Variants in CSE1L observed in about 807,000 individuals in gnomAD.
CSE1L encodes the protein chromosome segregation 1 like.
CSE1L carries 24 observed loss-of-function variants against 120.4 expected under a neutral mutation model. That is an observed-to-expected ratio of 0.20 (90% confidence interval 0.14 to 0.28). The LOEUF (loss-of-function observed/expected upper bound fraction) is 0.28. Among genes scored for constraint, CSE1L ranks in the 10% least tolerant of loss-of-function variants. The pLI is 1.00. For synonymous variants in CSE1L, 402 were observed against 398.3 expected, an observed-to-expected ratio of 1.01 and a Z score of -0.11; for missense variants, 830 against 1,145.2, an observed-to-expected ratio of 0.72 and a Z score of 3.97.
intron 14 of CSE1L, among the ~76,000 whole-genome samples, chr20:49,082,619 A>G (rs1239393359): frequency 6.6e-6 from 1 of 152,150 alleles, no homozygotes; most frequent in Non-Finnish European, 1.5e-5. Context: ...TCCTGGGTTC[A>G]TGCCATTCTC....
chr20:49,074,873 T>TA, intron 11 of CSE1L, 23 bp downstream of exon 11: 1 of 1,587,470 alleles, frequency 6.3e-7, no homozygotes, highest in Non-Finnish European at 8.6e-7. Flanking sequence ...GTTTTTTAGT[T>TA]ACTAGTCTCT....
At chr20:49,048,302 T>C (rs1372079407) in intron 1 of CSE1L, among the ~76,000 whole-genome samples, 3 of 152,186 alleles carry the variant, frequency 2.0e-5, no homozygotes, top group African/African-American at 7.2e-5. Context: ...GGGACAGGAT[T>C]GGATGGATGC....
At chr20:49,047,741 C>T (rs1431592229) in intron 1 of CSE1L, among the ~76,000 whole-genome samples, 1 of 151,586 alleles carries the variant, frequency 6.6e-6, no homozygotes, top group East Asian at 1.9e-4. Flanking sequence ...CACGCCACCA[C>T]ACCCGGCTAA....
Position 49,090,977 on chromosome 20 carries a change from C to T in CSE1L, c.2320C>T (p.Leu774=). The part of the protein sequence containing the change: ...DQYRKQIFIL[L]FQRLQNSKTT... Reference sequence around the variant, plus strand: ...ATATAGGAAACAAATCTTCATTCTGCTATTCCAGAGACTTCAGAATTCCAA... The same window carrying T: ...ATATAGGAAACAAATCTTCATTCTGTTATTCCAGAGACTTCAGAATTCCAA... Residue 774 remains leucine (L), a synonymous_variant, in exon 21 of 25, where the codon CTA becomes TTA. Transcript: ENST00000262982. 1 of 1,610,886 alleles carries T rather than the reference C, an allele frequency of 6.2e-7. No homozygotes were observed. Among genetic ancestry groups the T allele is most frequent in the South Asian group, 1.1e-5 (1 of 90,728 alleles).
intron 14 of CSE1L, among the ~76,000 whole-genome samples, 175 bp from the exon 15 acceptor site, chr20:49,083,851 T>G (rs562417632): frequency 1.3e-5 from 2 of 152,298 alleles, no homozygotes; most frequent in East Asian, 3.9e-4. Context: ...AAGTGGAAAT[T>G]GAACCATTAT....
At position 49,089,653 on chromosome 20, in the gene CSE1L, A is replaced by G; in HGVS notation, c.2088A>G (p.Glu696=). Residue 696 remains glutamate, a synonymous_variant, in exon 19 of 25, where the codon GAA becomes GAG. Transcript: ENST00000262982. ...ATCTCCTTCAGCCAGTGCTTTGGGAAAGAACAGGAAATATTCCTGCTCTAG... is the reference window on the plus strand; with the variant it reads ...ATCTCCTTCAGCCAGTGCTTTGGGAGAGAACAGGAAATATTCCTGCTCTAG... ...FPHLLQPVLW[E]RTGNIPALVR... 1 of 1,614,184 alleles carries G rather than the reference A, an allele frequency of 6.2e-7. No homozygotes were observed. Among genetic ancestry groups the G allele is most frequent in the Non-Finnish European group, 8.5e-7 (1 of 1,180,028 alleles).
intron 14 of CSE1L, among the ~76,000 whole-genome samples, chr20:49,081,144 C>T (rs919721971): frequency 2.6e-5 from 4 of 152,090 alleles, no homozygotes; most frequent in East Asian, 1.9e-4. Context: ...CCACCATACC[C>T]AGCTAATTTT....
intron 23 of CSE1L, among the ~76,000 whole-genome samples, 177 bp downstream of exon 23, chr20:49,094,463 C>T (rs888465994): frequency 2.0e-5 from 3 of 152,124 alleles, no homozygotes; most frequent in African/African-American, 7.2e-5. Context: ...ATCTTGTTTC[C>T]TGCTTCTTTT....
chr20:49,077,154 T>C, intron 13 of CSE1L, 90 bp downstream of exon 13: 1 of 160,076 alleles, frequency 6.2e-6, no homozygotes, highest in East Asian at 1.2e-4. Context: ...CCTTTTGTTC[T>C]TTTTTTTTTT....
intron 5 of CSE1L, 132 bp from the exon 6 acceptor site, chr20:49,067,058 A>G: frequency 2.1e-6 from 1 of 484,878 alleles, no homozygotes. Context: ...AAAAAAAAAG[A>G]ATTCCCTTTG....
Position 49,094,941 on chromosome 20 carries a change from T to C in CSE1L, c.2804T>C (p.Leu935Ser). Residue 935 changes from leucine (L) to serine (S), a missense_variant, in exon 24 of 25, where the codon TTG (leucine) becomes TCG (serine). Coordinates refer to ENST00000262982, the MANE Select transcript of CSE1L (RefSeq NM_001316.4). Reference sequence around the variant, plus strand: ...CACCTGGCACAGTCACTTCACAAGTTGTCTACCGCCTGTCCAGGAAGGGTA... The same window carrying C: ...CACCTGGCACAGTCACTTCACAAGTCGTCTACCGCCTGTCCAGGAAGGGTA... ...KIHLAQSLHK[L>S]STACPGRVPS... The C allele has an allele frequency of 6.2e-7, 1 of 1,614,100 alleles. No individual in the cohort carries two copies. Among genetic ancestry groups the C allele is most frequent in the Non-Finnish European group, 8.5e-7 (1 of 1,179,992 alleles).
intron 6 of CSE1L, 50 bp downstream of exon 6, chr20:49,067,330 T>C (rs1446553049): frequency 3.3e-6 from 4 of 1,202,910 alleles, no homozygotes; most frequent in Admixed American, 3.8e-5. Context: ...TTAAATTGCT[T>C]GAATGTTTGT....
At chr20:49,068,622 G>T in intron 6 of CSE1L, 93 bp from the exon 7 acceptor site, 2 of 814,102 alleles carry the variant, frequency 2.5e-6, no homozygotes, top group South Asian at 3.0e-5. Flanking sequence ...AGTAAAATAT[G>T]AATAGTCTCA....
intron 3 of CSE1L, among the ~76,000 whole-genome samples, chr20:49,064,575 G>A (rs2091876708): frequency 6.6e-6 from 1 of 152,066 alleles, no homozygotes; most frequent in African/African-American, 2.4e-5. Context: ...CGAGGCATAT[G>A]GTGGTGCACG....
intron 6 of CSE1L, among the ~76,000 whole-genome samples, chr20:49,067,877 A>G (rs532140610): frequency 6.1e-4 from 91 of 149,992 alleles, no homozygotes; most frequent in Non-Finnish European, 1.1e-3. Flanking sequence ...CTGGGACTAC[A>G]GGTGCACACT....
At chr20:49,093,941 A>C (rs2092121158) in intron 22 of CSE1L, among the ~76,000 whole-genome samples, 199 bp from the exon 23 acceptor site, 1 of 151,914 alleles carries the variant, frequency 6.6e-6, no homozygotes, top group African/African-American at 2.4e-5. Flanking sequence ...AAAGAAAAAG[A>C]TTATGGCATT....
chr20:49,062,003 A>T (rs573777986), intron 2 of CSE1L, among the ~76,000 whole-genome samples: 2 of 152,162 alleles, frequency 1.3e-5, no homozygotes, highest in Non-Finnish European at 2.9e-5. Context: ...GAATATTGTG[A>T]TAAGTTGAAA....
chr20:49,076,518 CTCTT>C (rs1437748322), intron 12 of CSE1L, among the ~76,000 whole-genome samples: 1 of 129,224 alleles, frequency 7.7e-6, no homozygotes, highest in Admixed American at 8.0e-5. Flanking sequence ...GTCCCTCTCT[CTCTT>C]TTTTTTTTTT....
intron 8 of CSE1L, among the ~76,000 whole-genome samples, chr20:49,070,533 A>C (rs1437374799): frequency 6.6e-6 from 1 of 152,258 alleles, no homozygotes; most frequent in Non-Finnish European, 1.5e-5. Context: ...CATTATTGAA[A>C]GTAGGTCTTT....
Sources: allele counts gnomAD v4.1 joint callset (sites outside exome capture counted in the v4.1 genomes callset), GRCh38; gene constraint gnomAD v4.1.1; transcripts MANE v1.5; gene names NCBI Gene and HGNC (gene_info 2026-07-23, HGNC 2026-07-21).